CDH12: variants seen among roughly 807,000 people sequenced by gnomAD.
The protein encoded by CDH12 is cadherin-12.
A neutral mutation model predicts 74.1 loss-of-function variants in CDH12; 41 were observed. The observed-to-expected ratio is 0.55, with a 90% CI of 0.43 to 0.72. The LOEUF (loss-of-function observed/expected upper bound fraction) is 0.72, where lower values mean the gene tolerates loss of function less well. Among genes scored for constraint, CDH12 ranks in the 30% least tolerant of loss-of-function variants. The pLI is 0.00. For missense variants in CDH12, 945 were observed against 977.2 expected (o/e 0.97, Z 0.44); for synonymous variants, 399 against 355.0 (o/e 1.12, Z -1.39).
intron 4 of CDH12, among the ~76,000 whole-genome samples, chr5:22,178,324 G>A (rs1322455216): frequency 1.3e-5 from 2 of 152,014 alleles, no homozygotes; most frequent in African/African-American, 4.8e-5. Context: ...AGCCTTCCTT[G>A]GGTTGTTGTG....
chr5:21,929,216 G>A (rs1754727211), intron 6 of CDH12, among the ~76,000 whole-genome samples: 1 of 151,896 alleles, frequency 6.6e-6, no homozygotes, highest in African/African-American at 2.4e-5. Flanking sequence ...TGGGTGGAGG[G>A]GGATGGTTCC....
At position 22,575,016 on chromosome 5, in the gene CDH12, C is replaced by A. The variant is rs148151993; in HGVS notation, c.-522-69652G>T. On this transcript the variant is annotated intron_variant, in intron 1 of 14. Transcript: ENST00000382254. ...TAAACTTAAATTTTGGTTTCTGCAT[C>A]TGTAAAATTCTGAAGAAAATTTTAT... Among the ~76,000 whole-genome samples, 1,095 of 152,130 alleles carry A rather than the reference C, an allele frequency of 7.2e-3. 9 individuals carry two copies. Among genetic ancestry groups the A allele is most frequent in the Non-Finnish European group, 9.1e-3 (616 of 68,012 alleles).
intron 1 of CDH12, among the ~76,000 whole-genome samples, chr5:22,545,488 AG>A (rs1467324571): frequency 6.6e-6 from 1 of 152,218 alleles, no homozygotes; most frequent in East Asian, 1.9e-4. Flanking sequence ...TAGATGATTC[AG>A]GATACACTTG....
chr5:22,256,165 C>T (rs999770071), intron 3 of CDH12, among the ~76,000 whole-genome samples: 4 of 152,032 alleles, frequency 2.6e-5, no homozygotes, highest in Admixed American at 6.6e-5. Flanking sequence ...TTTTTCTATT[C>T]AACATGACTT....
intron 10 of CDH12, among the ~76,000 whole-genome samples, chr5:21,800,286 G>A (rs893409020): frequency 6.6e-6 from 1 of 152,060 alleles, no homozygotes; most frequent in Non-Finnish European, 1.5e-5. Flanking sequence ...AGACTTTGGG[G>A]GCCCTTAGGA....
intron 1 of CDH12, among the ~76,000 whole-genome samples, chr5:22,826,500 C>G (rs967056300): frequency 2.0e-5 from 3 of 152,100 alleles, no homozygotes; most frequent in Non-Finnish European, 2.9e-5. Context: ...GGGTAACAGA[C>G]AGAGATTGGA....
chr5:21,958,680 T>C (rs1161803266), intron 6 of CDH12, among the ~76,000 whole-genome samples: 1 of 152,200 alleles, frequency 6.6e-6, no homozygotes, highest in Non-Finnish European at 1.5e-5. Flanking sequence ...AGTACCATGC[T>C]GTTTTGGTTA....
intron 3 of CDH12, among the ~76,000 whole-genome samples, chr5:22,387,621 G>A (rs1742054629): frequency 6.6e-6 from 1 of 152,168 alleles, no homozygotes; most frequent in Admixed American, 6.5e-5. Context: ...AGTTATCTCA[G>A]TAAAGTGGTA....
At chr5:22,478,996 T>C (rs1311756766) in intron 2 of CDH12, among the ~76,000 whole-genome samples, 4 of 152,224 alleles carry the variant, frequency 2.6e-5, no homozygotes, top group Non-Finnish European at 4.4e-5. Context: ...AACATGTTCA[T>C]GTTTTGGGTT....
At chr5:22,260,743 G>C (rs1276044796) in intron 3 of CDH12, among the ~76,000 whole-genome samples, 3 of 151,972 alleles carry the variant, frequency 2.0e-5, no homozygotes, top group Admixed American at 2.0e-4. Flanking sequence ...TGATCAATTA[G>C]ATCAGTGCCT....
intron 2 of CDH12, among the ~76,000 whole-genome samples, chr5:22,483,486 A>G (rs1412038903): frequency 6.6e-6 from 1 of 151,486 alleles, no homozygotes; most frequent in Non-Finnish European, 1.5e-5. Flanking sequence ...GTAAACAAGT[A>G]AAGCCTTTTA....
intron 3 of CDH12, among the ~76,000 whole-genome samples, chr5:22,265,489 G>T (rs1393640638): frequency 6.6e-6 from 1 of 152,110 alleles, no homozygotes; most frequent in East Asian, 1.9e-4. Flanking sequence ...GAAAGGTTCT[G>T]CTCTCTCGTA....
At chr5:22,477,259 C>G (rs942908106) in intron 2 of CDH12, among the ~76,000 whole-genome samples, 1 of 152,110 alleles carries the variant, frequency 6.6e-6, no homozygotes, top group Non-Finnish European at 1.5e-5. Flanking sequence ...TTTCACCCTC[C>G]AAAAAGTCCC....
chr5:22,424,109 T>TATTTAA (rs1307046607), intron 2 of CDH12, among the ~76,000 whole-genome samples: 1 of 149,466 alleles, frequency 6.7e-6, no homozygotes, highest in African/African-American at 2.5e-5. Flanking sequence ...ATTTATTAAA[T>TATTTAA]ATTTAAATTT....
chr5:22,844,491 T>C (rs1422817429), intron 1 of CDH12, among the ~76,000 whole-genome samples: 1 of 152,110 alleles, frequency 6.6e-6, no homozygotes, highest in Non-Finnish European at 1.5e-5. Context: ...GTCTATTAGA[T>C]CAGACAATCT....
At chr5:22,124,775 T>A (rs1013977353) in intron 4 of CDH12, among the ~76,000 whole-genome samples, 7 of 152,232 alleles carry the variant, frequency 4.6e-5, no homozygotes, top group Non-Finnish European at 1.0e-4. Context: ...AGGCATTTTT[T>A]ATTTTTTCCT....
intron 5 of CDH12, among the ~76,000 whole-genome samples, chr5:22,030,260 TTAA>T (rs1213400878): frequency 6.6e-6 from 1 of 151,806 alleles, no homozygotes; most frequent in African/African-American, 2.4e-5. Flanking sequence ...AACTTAAAGT[TTAA>T]TAATAATAAA....
At chr5:22,208,685 A>G (rs563818217) in intron 4 of CDH12, among the ~76,000 whole-genome samples, 30 of 152,252 alleles carry the variant, frequency 2.0e-4, no homozygotes, top group African/African-American at 6.0e-4. Context: ...CAGTCTAGAG[A>G]GGGCTGTCTT....
At chr5:21,879,192 A>G (rs981758604) in intron 6 of CDH12, among the ~76,000 whole-genome samples, 1 of 152,172 alleles carries the variant, frequency 6.6e-6, no homozygotes, top group Non-Finnish European at 1.5e-5. Context: ...TCACACTATA[A>G]AAAAAACTTT....
Sources: gnomAD v4.1 joint callset for allele counts (sites outside exome capture counted in the v4.1 genomes callset) on GRCh38, gnomAD v4.1.1 for gene constraint, MANE v1.5 for transcripts, NCBI Gene and HGNC (gene_info 2026-07-23, HGNC 2026-07-21) for gene names.